The following PRKN variants were observed in gnomAD, a reference collection of about 807,000 sequenced individuals.
The protein encoded by PRKN is parkin RBR E3 ubiquitin protein ligase, also known as E3 ubiquitin-protein ligase parkin.
Under a neutral mutation model 59.5 loss-of-function variants are expected in PRKN, and 56 were observed. The ratio of observed to expected loss-of-function variants is 0.94; its 90% confidence interval spans 0.76 to 1.18. The LOEUF (loss-of-function observed/expected upper bound fraction) is 1.18, where lower values mean the gene tolerates loss of function less well. Ranked by LOEUF, PRKN falls within the 50% of genes most tolerant of loss-of-function variation. PRKN has a pLI of 0.00. For synonymous variants in PRKN, 250 were observed against 222.1 expected, an observed-to-expected ratio of 1.13 and a Z score of -1.12; for missense variants, 657 against 596.4, an observed-to-expected ratio of 1.10 and a Z score of -1.06.
chr6:161,833,623 C>T (rs955477996), intron 6 of PRKN, among the ~76,000 whole-genome samples: 4 of 152,098 alleles, frequency 2.6e-5, no homozygotes, highest in African/African-American at 9.7e-5. Context: ...CTCGGATGTC[C>T]GGGTGGGCAG....
intron 7 of PRKN, among the ~76,000 whole-genome samples, chr6:161,572,717 T>G (rs535900560): frequency 6.6e-6 from 1 of 151,974 alleles, no homozygotes; most frequent in African/African-American, 2.4e-5. Context: ...CTGGAAAACA[T>G]AATACATTAG....
intron 1 of PRKN, among the ~76,000 whole-genome samples, chr6:162,471,895 A>G (rs1451891232): frequency 1.3e-5 from 2 of 152,182 alleles, no homozygotes; most frequent in South Asian, 2.1e-4. Context: ...AATTGCAGCC[A>G]TCTTTTTGGT....
At chr6:161,951,429 A>G (rs1260375278) in intron 6 of PRKN, among the ~76,000 whole-genome samples, 1 of 152,188 alleles carries the variant, frequency 6.6e-6, no homozygotes, top group African/African-American at 2.4e-5. Flanking sequence ...TAGTCTTTGA[A>G]AGAAGAGTCT....
chr6:162,370,693 T>C (rs183559479), intron 2 of PRKN, among the ~76,000 whole-genome samples: 2 of 152,340 alleles, frequency 1.3e-5, no homozygotes, highest in Non-Finnish European at 2.9e-5. Flanking sequence ...GTCCAACCTA[T>C]GTAAAGCACT....
At chr6:162,037,351 C>T (rs529154658) in intron 5 of PRKN, among the ~76,000 whole-genome samples, 14 of 152,008 alleles carry the variant, frequency 9.2e-5, no homozygotes, top group Non-Finnish European at 1.8e-4. Flanking sequence ...ATAATGAGCA[C>T]ATTATATGAA....
chr6:161,790,753 T>C (rs564269857), intron 6 of PRKN, among the ~76,000 whole-genome samples: 117 of 152,214 alleles, frequency 7.7e-4, no homozygotes, highest in Middle Eastern at 3.4e-3. Context: ...AAGCCACCAG[T>C]TTATGGGATT....
chr6:162,691,340 T>C (rs561261928), intron 1 of PRKN, among the ~76,000 whole-genome samples: 70 of 152,186 alleles, frequency 4.6e-4, no homozygotes, highest in Admixed American at 2.0e-3. Context: ...TAGTTAAAAA[T>C]ACATTACACC....
intron 4 of PRKN, among the ~76,000 whole-genome samples, chr6:162,170,710 C>T (rs928703465): frequency 1.3e-5 from 2 of 152,144 alleles, no homozygotes; most frequent in Non-Finnish European, 2.9e-5. Flanking sequence ...ACGATTAATG[C>T]TGGAAACAAC....
At chr6:161,803,536 C>T (rs763585369) in intron 6 of PRKN, among the ~76,000 whole-genome samples, 1 of 152,204 alleles carries the variant, frequency 6.6e-6, no homozygotes, top group Non-Finnish European at 1.5e-5. Flanking sequence ...ATTGAGCAGA[C>T]TGGAAACATC....
chr6:162,313,984 C>G (rs1045054749), intron 2 of PRKN, among the ~76,000 whole-genome samples: 1 of 152,060 alleles, frequency 6.6e-6, no homozygotes, highest in African/African-American at 2.4e-5. Flanking sequence ...CATTGTTAGG[C>G]ACAACTGACA....
chr6:162,112,970 G>A (rs111903539), intron 4 of PRKN, among the ~76,000 whole-genome samples: 7 of 152,174 alleles, frequency 4.6e-5, no homozygotes, highest in African/African-American at 1.7e-4. Context: ...CTGCCTCTCA[G>A]AGAACTGATT....
intron 4 of PRKN, among the ~76,000 whole-genome samples, chr6:162,174,730 G>A (rs1230572227): frequency 6.6e-6 from 1 of 152,002 alleles, no homozygotes; most frequent in African/African-American, 2.4e-5. Flanking sequence ...CTTTGTTCTT[G>A]TTCATTTAAC....
At chr6:161,420,197 G>A (rs558683130) in intron 9 of PRKN, among the ~76,000 whole-genome samples, 56 of 147,878 alleles carry the variant, frequency 3.8e-4, no homozygotes, top group South Asian at 3.4e-3. Flanking sequence ...GAGATCATGC[G>A]CCGCTGCACT....
chr6:162,099,096 T>C (rs1212432673), intron 4 of PRKN, among the ~76,000 whole-genome samples: 1 of 152,134 alleles, frequency 6.6e-6, no homozygotes. Flanking sequence ...AAGAAGAAAA[T>C]TAATTGAGGC....
intron 6 of PRKN, among the ~76,000 whole-genome samples, chr6:161,958,420 AT>A (rs1780262765): frequency 1.3e-5 from 2 of 152,174 alleles, no homozygotes. Flanking sequence ...TGTTGTTGCT[AT>A]TTTTAAGGGA....
intron 2 of PRKN, among the ~76,000 whole-genome samples, chr6:162,417,766 G>A (rs1400114900): frequency 6.6e-6 from 1 of 152,168 alleles, no homozygotes; most frequent in Admixed American, 6.5e-5. Context: ...GTGTTTACGG[G>A]TCTTCTGTTG....
At position 162,622,101 on chromosome 6, in the gene PRKN, C is replaced by T. The variant is rs768537113; in HGVS notation, c.7+105561G>A. 7.1e-4 allele frequency among the ~76,000 whole-genome samples: 108 copies of T among 151,552 alleles called. 1 individual carries two copies. Among genetic ancestry groups the T allele is most frequent in the Non-Finnish European group, 1.0e-3 (68 of 67,678 alleles). ...GTGCTGGGATTACAGGCTTGAGCCA[C>T]CGCACCCAGCCTAATCTTCACTTTA... On this transcript the variant is annotated intron_variant, in intron 1 of 11. Transcript: ENST00000366898.
intron 4 of PRKN, among the ~76,000 whole-genome samples, chr6:162,144,341 T>C (rs182997406): frequency 8.5e-5 from 13 of 152,212 alleles, no homozygotes; most frequent in Non-Finnish European, 1.6e-4. Context: ...TGGTGAGATA[T>C]CAAATGTGAT....
intron 7 of PRKN, among the ~76,000 whole-genome samples, chr6:161,696,607 T>C (rs1051553609): frequency 6.6e-6 from 1 of 152,206 alleles, no homozygotes; most frequent in Non-Finnish European, 1.5e-5. Context: ...CTGTAACAGC[T>C]TGCACAGTAT....
Sources: gnomAD v4.1 joint callset for allele counts (sites outside exome capture counted in the v4.1 genomes callset) on GRCh38, gnomAD v4.1.1 for gene constraint, MANE v1.5 for transcripts, NCBI Gene and HGNC (gene_info 2026-07-23, HGNC 2026-07-21) for gene names.